PCTP: variants seen among roughly 807,000 people sequenced by gnomAD.
PCTP encodes phosphatidylcholine transfer protein, also known as START domain-containing protein 2.
A neutral mutation model predicts 31.0 loss-of-function variants in PCTP; 27 were observed. The observed-to-expected ratio is 0.87, with a 90% CI of 0.64 to 1.20. The LOEUF (loss-of-function observed/expected upper bound fraction) is 1.20, where lower values mean the gene tolerates loss of function less well. PCTP is among the 50% of genes most tolerant of loss of function. PCTP has a pLI of 0.00. For missense variants in PCTP, 287 were observed against 268.2 expected, an observed-to-expected ratio of 1.07 and a Z score of -0.49; for synonymous variants, 108 against 101.2, an observed-to-expected ratio of 1.07 and a Z score of -0.40.
rs535636027 is a variant in PCTP at position 55,841,445 on chromosome 17, G to A, written n.506-1282G>A. Among the ~76,000 whole-genome samples the A allele has an allele frequency of 9.3e-4, 142 of 152,304 alleles. 1 individual carries two copies. Among genetic ancestry groups the A allele is most frequent in the African/African-American group, 3.3e-3 (139 of 41,574 alleles). ...ATATTTGAATTGAAGTCTTACTATG[G>A]CTTTTATGCAGATTATATTTTTACT... On this transcript the variant is annotated intron_variant and non_coding_transcript_variant, in intron 5 of 5. Coordinates refer to the PCTP transcript ENST00000576221.
intron 3 of PCTP, chr17:55,822,630 A>G (rs528626598): frequency 4.9e-6 from 2 of 407,628 alleles, no homozygotes; most frequent in East Asian, 3.6e-5. Context: ...CTCGTGATCC[A>G]GAGGCTAGAA....
chr17:55,769,565 T>C (rs1218871379), intron 2 of PCTP: 1 of 152,256 alleles, frequency 6.6e-6, no homozygotes, highest in East Asian at 1.9e-4. Context: ...CTCTGATGTT[T>C]GCTCCCCAAC....
the PCTP span, among the ~76,000 whole-genome samples, chr17:55,848,906 A>C: frequency 6.6e-6 from 1 of 152,250 alleles, no homozygotes; most frequent in Non-Finnish European, 1.5e-5. Context: ...TAGCTATCAC[A>C]CATAGAAAAC....
At chr17:55,805,639 A>G (rs527853094) in intron 3 of PCTP, among the ~76,000 whole-genome samples, 1 of 152,056 alleles carries the variant, frequency 6.6e-6, no homozygotes, top group South Asian at 2.1e-4. Flanking sequence ...AGGAGATTTT[A>G]ATGTACCTCT....
intron 5 of PCTP, among the ~76,000 whole-genome samples, chr17:55,840,032 A>T (rs1905922748): frequency 7.1e-6 from 1 of 141,050 alleles, no homozygotes; most frequent in African/African-American, 2.7e-5. Context: ...ATGTCTTTTT[A>T]TTTTTTCAAA....
Position 55,777,165 on chromosome 17 carries a change from A to C in PCTP, c.*1065A>C. 1 of 985,764 alleles carries C rather than the reference A, an allele frequency of 1.0e-6. No individual in the cohort carries two copies. Among genetic ancestry groups the C allele is most frequent in the Non-Finnish European group, 1.2e-6 (1 of 829,856 alleles). 61.1% of individuals were successfully genotyped at this position (985,764 alleles called of 1,614,324 possible). ...CTTTCTCCTGAATTTTGGTAGGGTAAGGTATTTCTATGTCAAAGGCACAGC... is the reference window on the plus strand; with the variant it reads ...CTTTCTCCTGAATTTTGGTAGGGTACGGTATTTCTATGTCAAAGGCACAGC... On this transcript the variant is annotated 3_prime_UTR_variant, in exon 6 of 6. Transcript: ENST00000268896.
intron 5 of PCTP, among the ~76,000 whole-genome samples, chr17:55,829,026 T>C (rs935633571): frequency 6.6e-6 from 1 of 151,878 alleles, no homozygotes; most frequent in Non-Finnish European, 1.5e-5. Context: ...CCTGTAATAA[T>C]CATCACTGAG....
chr17:55,761,536 G>A (rs1238051042), intron 1 of PCTP, among the ~76,000 whole-genome samples: 1 of 147,278 alleles, frequency 6.8e-6, no homozygotes, highest in Admixed American at 6.8e-5. Flanking sequence ...ATATATATCT[G>A]CTGGTATTAT....
intron 3 of PCTP, among the ~76,000 whole-genome samples, chr17:55,793,416 G>T (rs1379271922): frequency 6.6e-6 from 1 of 151,826 alleles, no homozygotes; most frequent in African/African-American, 2.4e-5. Context: ...CACTCACCCC[G>T]TTTCCCTCCA....
intron 1 of PCTP, 36 bp downstream of exon 1, chr17:55,751,280 G>T: frequency 6.6e-7 from 1 of 1,524,626 alleles, no homozygotes. Context: ...GCGGGGCCTA[G>T]AATGCGCCGG....
downstream of PCTP, among the ~76,000 whole-genome samples, chr17:55,844,810 C>T (rs1029890184): frequency 1.3e-5 from 2 of 152,000 alleles, no homozygotes; most frequent in Non-Finnish European, 2.9e-5. Flanking sequence ...AATATATAGA[C>T]CAGGCGCGGT....
At chr17:55,751,540 CCTA>C in intron 1 of PCTP, 2 of 1,452,314 alleles carry the variant, frequency 1.4e-6, no homozygotes, top group Non-Finnish European at 1.8e-6. Flanking sequence ...TCAGCTGGTT[CCTA>C]GGCCCGTGCA....
At chr17:55,840,827 G>A (rs1026313251) in intron 5 of PCTP, among the ~76,000 whole-genome samples, 2 of 152,184 alleles carry the variant, frequency 1.3e-5, no homozygotes, top group Admixed American at 1.3e-4. Context: ...AACTGTTTGA[G>A]TGTCAACATG....
chr17:55,753,311 A>T (rs1239371401), intron 1 of PCTP, among the ~76,000 whole-genome samples: 1 of 152,208 alleles, frequency 6.6e-6, no homozygotes, highest in Non-Finnish European at 1.5e-5. Context: ...AACATCTGAG[A>T]AGCAGTGATC....
intron 2 of PCTP, chr17:55,768,881 A>G (rs1910832309): frequency 6.6e-6 from 1 of 152,248 alleles, no homozygotes; most frequent in Non-Finnish European, 1.5e-5. Flanking sequence ...CTATGAAACT[A>G]GCCAAAGGCA....
At chr17:55,751,680 A>G (rs1232512775) in intron 1 of PCTP, among the ~76,000 whole-genome samples, 2 of 152,158 alleles carry the variant, frequency 1.3e-5, no homozygotes, top group Non-Finnish European at 2.9e-5. Flanking sequence ...CTTTTCAAGG[A>G]CTGGATGTGC....
intron 2 of PCTP, among the ~76,000 whole-genome samples, chr17:55,786,396 T>C (rs543377815): frequency 1.3e-5 from 2 of 152,322 alleles, no homozygotes; most frequent in East Asian, 1.9e-4. Context: ...AGATACCTAA[T>C]GTAAATGATG....
At chr17:55,810,406 A>G (rs1912711695) in intron 3 of PCTP, among the ~76,000 whole-genome samples, 1 of 152,208 alleles carries the variant, frequency 6.6e-6, no homozygotes, top group South Asian at 2.1e-4. Flanking sequence ...TTCTGGGCCT[A>G]GCTGAATATC....
chr17:55,816,051 A>T (rs971057020), intron 3 of PCTP, among the ~76,000 whole-genome samples: 1 of 152,140 alleles, frequency 6.6e-6, no homozygotes, highest in Non-Finnish European at 1.5e-5. Flanking sequence ...TCCTCTCTTC[A>T]TGAGGACAAG....
Sources: gnomAD v4.1 joint callset for allele counts (sites outside exome capture counted in the v4.1 genomes callset) on GRCh38, gnomAD v4.1.1 for gene constraint, MANE v1.5 for transcripts, NCBI Gene and HGNC (gene_info 2026-07-23, HGNC 2026-07-21) for gene names.